The following MTMR2 variants were observed in gnomAD, a reference collection of about 807,000 sequenced individuals.
MTMR2 encodes phosphatidylinositol-3,5-bisphosphate 3-phosphatase MTMR2.
MTMR2 carries 55 observed loss-of-function variants against 86.9 expected under a neutral mutation model. The ratio of observed to expected loss-of-function variants is 0.63; its 90% CI spans 0.51 to 0.79. MTMR2 has a LOEUF of 0.79. Ranked by LOEUF, MTMR2 falls within the 30% of genes least tolerant of loss-of-function variation. The pLI is 0.00. For synonymous variants in MTMR2, 241 were observed against 266.8 expected, an observed-to-expected ratio of 0.90 and a Z score of 0.94; for missense variants, 659 against 772.3, an observed-to-expected ratio of 0.85 and a Z score of 1.74.
chr11:95,912,493 T>TA (rs200904614), intron 1 of MTMR2, among the ~76,000 whole-genome samples: 1 of 151,660 alleles, frequency 6.6e-6, no homozygotes, highest in Admixed American at 6.6e-5. Flanking sequence ...CTTGAAATAT[T>TA]AAAAAAAGGC....
At chr11:95,861,076 C>G (rs937178064) in intron 5 of MTMR2, among the ~76,000 whole-genome samples, 1 of 150,580 alleles carries the variant, frequency 6.6e-6, no homozygotes, top group Non-Finnish European at 1.5e-5. Flanking sequence ...AGGAGAATCC[C>G]GTGAACCCAG....
chr11:95,902,221 A>ACC (rs1866100136), intron 1 of MTMR2, among the ~76,000 whole-genome samples: 1 of 152,138 alleles, frequency 6.6e-6, no homozygotes, highest in South Asian at 2.1e-4. Context: ...TTGGTTATTT[A>ACC]TTCAGCTCCT....
chr11:95,835,284 A>G lies in MTMR2; in HGVS notation c.*6T>C. The G allele has an allele frequency of 6.2e-7, 1 of 1,612,514 alleles. No individual in the cohort carries two copies. The highest frequency in any genetic ancestry group is 1.3e-5 in the African/African-American group (1 of 74,970). On this transcript the variant is annotated 3_prime_UTR_variant, in exon 15 of 15. Coordinates refer to ENST00000346299, the MANE Select transcript of MTMR2 (RefSeq NM_016156.6). ...ATAGCAATGATGCCCCTGATCTTACAGTCCTTTATACAACAGTTTGGACAG... is the reference window on the plus strand; with the variant it reads ...ATAGCAATGATGCCCCTGATCTTACGGTCCTTTATACAACAGTTTGGACAG...
At chr11:95,855,566 AAG>A (rs1371013732) in intron 7 of MTMR2, among the ~76,000 whole-genome samples, 1 of 152,126 alleles carries the variant, frequency 6.6e-6, no homozygotes, top group Non-Finnish European at 1.5e-5. Flanking sequence ...CCCATTTTTG[AAG>A]AGATATAGTC....
chr11:95,910,193 C>T (rs1248461806), intron 1 of MTMR2, among the ~76,000 whole-genome samples: 1 of 151,420 alleles, frequency 6.6e-6, no homozygotes, highest in Admixed American at 6.6e-5. Flanking sequence ...AGACCCAAAA[C>T]TTCAATCACA....
intron 9 of MTMR2, 67 bp downstream of exon 9, chr11:95,849,607 A>T: frequency 7.0e-7 from 1 of 1,419,882 alleles, no homozygotes; most frequent in Non-Finnish European, 9.9e-7. Context: ...TTTTTACTAC[A>T]CTGTGGCCCT....
chr11:95,860,262 G>A (rs984739286), intron 5 of MTMR2, among the ~76,000 whole-genome samples: 3 of 152,164 alleles, frequency 2.0e-5, no homozygotes, highest in Non-Finnish European at 4.4e-5. Context: ...AACACTTTGG[G>A]AGGCCAAGGC....
intron 1 of MTMR2, among the ~76,000 whole-genome samples, chr11:95,895,176 C>T (rs1247858799): frequency 1.3e-5 from 2 of 151,228 alleles, no homozygotes; most frequent in African/African-American, 2.4e-5. Context: ...AAAAAAAACC[C>T]GAAGGAAATG....
intron 1 of MTMR2, among the ~76,000 whole-genome samples, chr11:95,916,336 T>A (rs905523318): frequency 2.6e-4 from 40 of 152,202 alleles, no homozygotes; most frequent in African/African-American, 9.6e-4. Flanking sequence ...CATGGGACCA[T>A]CCATGTTTTA....
chr11:95,834,944 A>G lies in MTMR2; in HGVS notation c.*346T>C. ...ATGTTCCTCTGCACAGTGAGCACAG[A>G]GTGTATTTCTAAAATGGTTTTAATA... is the stretch of plus-strand genomic sequence containing the variant. On this transcript the variant is annotated 3_prime_UTR_variant, in exon 15 of 15. Transcript: ENST00000346299. 2 of 328,356 alleles carry G rather than the reference A, an allele frequency of 6.1e-6. No individual in the cohort carries two copies. The highest frequency in any genetic ancestry group is 5.7e-5 in the South Asian group (2 of 35,124). 20.3% of individuals were successfully genotyped at this position (328,356 alleles called of 1,614,324 possible). A position where few individuals can be genotyped will look rare whatever the true frequency, so the allele number is the denominator to read the frequency against.
intron 1 of MTMR2, among the ~76,000 whole-genome samples, chr11:95,900,972 T>C (rs1866054675): frequency 6.6e-6 from 1 of 152,204 alleles, no homozygotes; most frequent in Admixed American, 6.5e-5. Context: ...CTATCATCAC[T>C]ACCTCCCTCC....
chr11:95,919,607 T>TA (rs1328268820), intron 1 of MTMR2, among the ~76,000 whole-genome samples: 1 of 152,080 alleles, frequency 6.6e-6, no homozygotes, highest in African/African-American at 2.4e-5. Context: ...GATGGATAAA[T>TA]AGGTAGTTGA....
Position 95,923,998 on chromosome 11 carries a change from C to T in MTMR2, c.-44G>A. On this transcript the variant is annotated 5_prime_UTR_variant, in exon 1 of 15. Coordinates refer to ENST00000346299, the MANE Select transcript of MTMR2 (RefSeq NM_016156.6). Reference sequence around the variant, plus strand: ...CAGGGAAAGGCTGAAGCAGTCTTCGCGGCTACAGGGCGGGAGAAGCGGAGG... The same window carrying T: ...CAGGGAAAGGCTGAAGCAGTCTTCGTGGCTACAGGGCGGGAGAAGCGGAGG... The T allele has an allele frequency of 6.5e-7, 1 of 1,549,798 alleles. No homozygotes were observed. Among genetic ancestry groups the T allele is most frequent in the South Asian group, 1.2e-5 (1 of 84,032 alleles).
intron 2 of MTMR2, among the ~76,000 whole-genome samples, chr11:95,884,664 T>G (rs1865454069): frequency 1.3e-5 from 2 of 152,176 alleles, no homozygotes; most frequent in Admixed American, 6.5e-5. Flanking sequence ...CTTTTTTTAA[T>G]TGTTAGAAGC....
intron 11 of MTMR2, among the ~76,000 whole-genome samples, chr11:95,844,743 A>C (rs1424789414): frequency 6.6e-6 from 1 of 152,132 alleles, no homozygotes; most frequent in Non-Finnish European, 1.5e-5. Context: ...CACAGAAAAG[A>C]CTGGGTCAGA....
intron 7 of MTMR2, among the ~76,000 whole-genome samples, chr11:95,856,477 C>T (rs912437238): frequency 6.6e-6 from 1 of 151,316 alleles, no homozygotes; most frequent in Admixed American, 6.6e-5. Flanking sequence ...CAGCTTCTAA[C>T]TACAAATACA....
chr11:95,843,287 A>C (rs1262933452), intron 11 of MTMR2, among the ~76,000 whole-genome samples: 1 of 152,218 alleles, frequency 6.6e-6, no homozygotes, highest in Non-Finnish European at 1.5e-5. Flanking sequence ...ATGGTATTAT[A>C]TGATGAAATG....
At chr11:95,851,244 A>G (rs1864010823) in intron 7 of MTMR2, among the ~76,000 whole-genome samples, 1 of 151,142 alleles carries the variant, frequency 6.6e-6, no homozygotes, top group Admixed American at 6.6e-5. Context: ...TGTATTTTTT[A>G]GTAGAGACGG....
rs746686039 is a variant in MTMR2, at chr11:95,844,959, A to T, written c.1380T>A (p.Phe460Leu). Residue 460 changes from phenylalanine (F) to leucine (L), a missense_variant, in exon 11 of 15, where the codon TTT (phenylalanine) becomes TTA (leucine). Physicochemically the swap from Phe to Leu is conservative, Grantham distance 22 (BLOSUM62 0). Coordinates refer to ENST00000346299, the MANE Select transcript of MTMR2 (RefSeq NM_016156.6). ...GTCAAGGTTCCTTACTTACTAGTTG[A>T]AATCGATGTCCAAAACTTAGCCATT... is the stretch of plus-strand genomic sequence containing the variant. ...EKEWLSFGHR[F>L]QLRVGHGDKN... is the part of the protein sequence containing the mutation. 6.2e-7 allele frequency: 1 copy of T among 1,612,278 alleles called. No homozygotes were observed.
Sources: allele counts gnomAD v4.1 joint callset (sites outside exome capture counted in the v4.1 genomes callset), GRCh38; gene constraint gnomAD v4.1.1; transcripts MANE v1.5; gene names NCBI Gene and HGNC (gene_info 2026-07-23, HGNC 2026-07-21).